The following SMC5 variants were observed in gnomAD, a reference collection of about 807,000 sequenced individuals.
The protein encoded by SMC5 is structural maintenance of chromosomes 5.
SMC5 carries 88 observed loss-of-function variants against 148.3 expected under a neutral mutation model. The ratio of observed to expected loss-of-function variants is 0.59; its 90% confidence interval spans 0.50 to 0.71. SMC5 has a LOEUF of 0.71. SMC5 is among the 30% of genes least tolerant of loss of function. The pLI, the probability that SMC5 is intolerant of heterozygous loss-of-function variation, is 0.00. For synonymous variants in SMC5, 421 were observed against 432.8 expected (o/e 0.97, Z 0.34); for missense variants, 1,142 against 1,298.9 (o/e 0.88, Z 1.86).
rs751042698 is a variant in SMC5 at position 70,282,602 on chromosome 9, T to A, written c.981+19T>A. 3.2e-6 allele frequency: 5 copies of A among 1,548,166 alleles called. No homozygotes were observed. The South Asian group carries it at 3.9e-5, about 12-fold the overall frequency. Reference sequence around the variant, plus strand: ...AGAAAAGGTACTTTTTGGTTTCAATTTTGGATTATCTGAATTTTATTTTAG... The same window carrying A: ...AGAAAAGGTACTTTTTGGTTTCAATATTGGATTATCTGAATTTTATTTTAG... On this transcript the variant is annotated intron_variant, in intron 7 of 24. Transcript: ENST00000361138.
At chr9:70,324,265 T>G in intron 17 of SMC5, 122 bp downstream of exon 17, 1 of 954,968 alleles carries the variant, frequency 1.0e-6, no homozygotes, top group Non-Finnish European at 1.5e-6. Context: ...CTTACAAATT[T>G]AATGCATCAT....
At chr9:70,347,040 AT>A (rs2118834212) in intron 19 of SMC5, 25 bp from the exon 20 acceptor site, 1 of 1,559,496 alleles carries the variant, frequency 6.4e-7, no homozygotes, top group East Asian at 2.2e-5. Context: ...CATTGTATCT[AT>A]AATGACGGGC....
chr9:70,346,557 GCT>G, intron 18 of SMC5, 46 bp from the exon 19 acceptor site: 1 of 1,590,244 alleles, frequency 6.3e-7, no homozygotes, highest in South Asian at 1.1e-5. Flanking sequence ...CTAACTTCTT[GCT>G]CTCTTTCAAT....
chr9:70,348,802 C>A (rs1242742352), intron 22 of SMC5, among the ~76,000 whole-genome samples: 1 of 151,924 alleles, frequency 6.6e-6, no homozygotes, highest in Non-Finnish European at 1.5e-5. Context: ...ATTAATTTTT[C>A]TTTAAGACAG....
chr9:70,347,215 C>T, intron 20 of SMC5, 54 bp downstream of exon 20: 2 of 1,418,502 alleles, frequency 1.4e-6, no homozygotes, highest in Non-Finnish European at 2.0e-6. Context: ...ACCACCCTCC[C>T]CATACACACA....
At chr9:70,260,048 G>A (rs2034061118) in intron 1 of SMC5, among the ~76,000 whole-genome samples, 1 of 151,408 alleles carries the variant, frequency 6.6e-6, no homozygotes, top group African/African-American at 2.4e-5. Context: ...GGTTTCAAGC[G>A]ATTCTTCTGG....
chr9:70,266,320 C>G lies in SMC5; in HGVS notation c.328-1603C>G, dbSNP rs567248116. Among the ~76,000 whole-genome samples the G allele has an allele frequency of 4.6e-5, 7 of 152,242 alleles. No homozygotes were observed. In the South Asian group the frequency reaches 1.4e-3, roughly 32 times the overall value. On this transcript the variant is annotated intron_variant, in intron 2 of 24. Transcript: ENST00000361138. ...AGAAGATACTTTTCTCTGTTAATAA[C>G]TAGCCTTGTGACCTTGAGCAATTAT... is the stretch of plus-strand genomic sequence containing the variant.
At chr9:70,289,566 A>G (rs2035003736) in intron 8 of SMC5, among the ~76,000 whole-genome samples, 1 of 152,168 alleles carries the variant, frequency 6.6e-6, no homozygotes, top group Non-Finnish European at 1.5e-5. Flanking sequence ...GAAGAAGTTT[A>G]AACAGTTCAC....
At chr9:70,297,895 A>G in intron 8 of SMC5, 71 bp from the exon 9 acceptor site, 3 of 1,508,904 alleles carry the variant, frequency 2.0e-6, no homozygotes, top group South Asian at 1.3e-5. Flanking sequence ...GTTAAAAACT[A>G]TATTACTACA....
At chr9:70,282,640 A>G (rs1202421551) in intron 7 of SMC5, 57 bp downstream of exon 7, 1 of 1,483,422 alleles carries the variant, frequency 6.7e-7, no homozygotes, top group Non-Finnish European at 9.0e-7. Flanking sequence ...AATATAAAAA[A>G]TATTTTGCAG....
At chr9:70,324,601 C>T (rs936597011) in intron 17 of SMC5, among the ~76,000 whole-genome samples, 5 of 152,082 alleles carry the variant, frequency 3.3e-5, no homozygotes, top group African/African-American at 7.2e-5. Context: ...ACTATTCTGA[C>T]GCTAACCATC....
chr9:70,315,735 A>G (rs1273327105), intron 13 of SMC5, among the ~76,000 whole-genome samples, 157 bp downstream of exon 13: 4 of 152,118 alleles, frequency 2.6e-5, no homozygotes, highest in Non-Finnish European at 4.4e-5. Flanking sequence ...TTTCCATATG[A>G]CATGAAACAT....
Position 70,318,682 on chromosome 9 carries a change from C to T in SMC5, c.1975C>T (p.Leu659=), listed in dbSNP as rs73456610. The T allele has an allele frequency of 2.2e-3, 3,466 of 1,588,120 alleles. 66 individuals are homozygous for T. In the African/African-American group the frequency reaches 0.041, roughly 19 times the overall value. Residue 659 remains leucine, a synonymous_variant, in exon 14 of 25, where the codon CTA becomes TTA. Transcript: ENST00000361138. Reference sequence around the variant, plus strand: ...GCAGAGAAGACACTTAGAAGAACAGCTAAAGGTTGGTTAATTTGATCTGAA... The same window carrying T: ...GCAGAGAAGACACTTAGAAGAACAGTTAAAGGTTGGTTAATTTGATCTGAA... ...LEQRRHLEEQ[L]KEIHRKLQAV... is the part of the protein sequence containing the mutation.
intron 17 of SMC5, among the ~76,000 whole-genome samples, chr9:70,327,834 C>T (rs2036119864): frequency 6.6e-6 from 1 of 152,122 alleles, no homozygotes; most frequent in Non-Finnish European, 1.5e-5. Context: ...AAAAGAACTA[C>T]CTGAGACTGG....
chr9:70,305,233 G>A lies in SMC5; in HGVS notation c.1465-14G>A, dbSNP rs1157291344. 8.1e-7 allele frequency: 1 copy of A among 1,231,952 alleles called. No individual in the cohort carries two copies. The highest frequency in any genetic ancestry group is 1.2e-6 in the Non-Finnish European group (1 of 867,566). The allele number at this position is 1,231,952 out of a possible 1,614,324, so 76.3% of individuals were successfully genotyped here. On this transcript the variant is annotated splice_polypyrimidine_tract_variant and intron_variant, in intron 10 of 24. Transcript: ENST00000361138. ...GTTTCATGAAATTCGACCTTTTTTT[G>A]CTTGTTTGTTTAGATCAATATGAAA... is the stretch of plus-strand genomic sequence containing the variant.
intron 9 of SMC5, among the ~76,000 whole-genome samples, chr9:70,298,706 T>C (rs1466384633): frequency 6.6e-6 from 1 of 151,618 alleles, no homozygotes; most frequent in Non-Finnish European, 1.5e-5. Flanking sequence ...TTTATATGTT[T>C]ATCAAAGTAT....
At chr9:70,337,386 G>A (rs2036386966) in intron 17 of SMC5, among the ~76,000 whole-genome samples, 1 of 151,720 alleles carries the variant, frequency 6.6e-6, no homozygotes, top group Non-Finnish European at 1.5e-5. Context: ...AGTACAGGTT[G>A]GCAGGGTGTT....
At chr9:70,328,145 A>G (rs1483883998) in intron 17 of SMC5, among the ~76,000 whole-genome samples, 1 of 151,866 alleles carries the variant, frequency 6.6e-6, no homozygotes, top group Admixed American at 6.6e-5. Context: ...TTGGCCGGGG[A>G]CACAGAACTA....
intron 2 of SMC5, among the ~76,000 whole-genome samples, chr9:70,265,532 TAA>T (rs1288833179): frequency 6.6e-6 from 1 of 152,214 alleles, no homozygotes; most frequent in African/African-American, 2.4e-5. Context: ...ACAATGATTA[TAA>T]ATGATCTAAA....
Sources: gnomAD v4.1 joint callset for allele counts (sites outside exome capture counted in the v4.1 genomes callset) on GRCh38, gnomAD v4.1.1 for gene constraint, MANE v1.5 for transcripts, NCBI Gene and HGNC (gene_info 2026-07-23, HGNC 2026-07-21) for gene names.